The following RIBC2 variants were observed in gnomAD, a reference collection of about 807,000 sequenced individuals.
The protein encoded by RIBC2 is RIB43A domain with coiled-coils 2, also known as RIB43A-like with coiled-coils protein 2.
In RIBC2, 40 loss-of-function variants were observed where a neutral mutation model predicts 44.3. The observed-to-expected ratio is 0.90, with a 90% CI of 0.70 to 1.18. The LOEUF is 1.18. Among genes scored for constraint, RIBC2 ranks in the 50% most tolerant of loss-of-function variants. The pLI is 0.00. For missense variants in RIBC2, 459 were observed against 485.5 expected (o/e 0.95, Z 0.51); for synonymous variants, 171 against 175.0 (o/e 0.98, Z 0.18).
At chr22:45,424,847 C>T (rs1397338659) in intron 4 of RIBC2, among the ~76,000 whole-genome samples, 2 of 151,008 alleles carry the variant, frequency 1.3e-5, no homozygotes, top group African/African-American at 4.9e-5. Flanking sequence ...GCTCTGCCTC[C>T]CGGGTTCACA....
Position 45,430,967 on chromosome 22 carries a change from C to T in RIBC2, c.971C>T (p.Ala324Val). The change falls in exon 6 of 7, where the codon GCC becomes GTC. Residue 324 changes from alanine (A) to valine (V), a missense_variant. By Grantham distance (64) the Ala-to-Val change is moderately conservative. Transcript: ENST00000614167. ...WDRRRIQGARATLLFERQQWR... is the reference protein window; with the variant it reads ...WDRRRIQGARVTLLFERQQWR... ...CGGCGGAGGATTCAGGGGGCTCGCGCCACCCTGCTGTTTGAGCGGCAGCAG... is the reference window on the plus strand; with the variant it reads ...CGGCGGAGGATTCAGGGGGCTCGCGTCACCCTGCTGTTTGAGCGGCAGCAG... 1 of 1,608,472 alleles carries T rather than the reference C, an allele frequency of 6.2e-7. No individual in the cohort carries two copies. Among genetic ancestry groups the T allele is most frequent in the Non-Finnish European group, 8.5e-7 (1 of 1,177,690 alleles).
rs1202292079 is a variant in RIBC2, at chr22:45,426,079, G to A, written c.807G>A (p.Gly269=). 1 of 1,613,916 alleles carries A rather than the reference G, an allele frequency of 6.2e-7. No individual in the cohort carries two copies. The highest frequency in any genetic ancestry group is 1.1e-5 in the South Asian group (1 of 91,040). ...ENPQQAASSF[G]PHRVVPDRWK... ...CGCAGCAGGCAGCCAGCTCCTTCGG[G>A]CCCCACCGCGTGGTCCCTGACCGCT... Residue 269 remains glycine, a synonymous_variant, in exon 5 of 7, where the codon GGG becomes GGA. Coordinates refer to ENST00000614167, the MANE Select transcript of RIBC2 (RefSeq NM_015653.5).
chr22:45,424,678 G>T (rs998011751), intron 4 of RIBC2, among the ~76,000 whole-genome samples: 1 of 152,176 alleles, frequency 6.6e-6, no homozygotes, highest in Non-Finnish European at 1.5e-5. Flanking sequence ...TGCAGGAGGA[G>T]GGAAGGAATG....
At chr22:45,426,242 C>A in intron 5 of RIBC2, 67 bp downstream of exon 5, 3 of 1,394,014 alleles carry the variant, frequency 2.2e-6, no homozygotes, top group Non-Finnish European at 3.0e-6. Flanking sequence ...GCCTTCCAGG[C>A]ACAAATGTAG....
intron 6 of RIBC2, among the ~76,000 whole-genome samples, 174 bp from the exon 7 acceptor site, chr22:45,432,106 CCGCT>C (rs2087585348): frequency 6.6e-6 from 1 of 152,076 alleles, no homozygotes; most frequent in East Asian, 1.9e-4. Context: ...GTGACCCTCG[CCGCT>C]GAGGAGCGGT....
chr22:45,422,704 A>T (rs1343788381), intron 4 of RIBC2, among the ~76,000 whole-genome samples: 3 of 152,198 alleles, frequency 2.0e-5, no homozygotes, highest in Non-Finnish European at 4.4e-5. Context: ...GGATGGTGAC[A>T]TCCACCTAGA....
intron 3 of RIBC2, among the ~76,000 whole-genome samples, chr22:45,419,386 C>A (rs536986349): frequency 4.9e-4 from 75 of 152,164 alleles, no homozygotes; most frequent in Non-Finnish European, 9.7e-4. Context: ...CCTTTCTCTC[C>A]ATTTTTCAGC....
chr22:45,414,298 TCTC>T (rs1011161417), intron 1 of RIBC2, 21 bp from the exon 2 acceptor site: 36 of 1,542,444 alleles, frequency 2.3e-5, no homozygotes, highest in East Asian at 9.8e-5. Context: ...CTCTAACCCT[TCTC>T]CTCTGTTTTT....
chr22:45,422,204 TG>T, intron 3 of RIBC2, 85 bp from the exon 4 acceptor site: 1 of 863,950 alleles, frequency 1.2e-6, no homozygotes, highest in Non-Finnish European at 2.0e-6. Flanking sequence ...GCTAAGGACG[TG>T]GTAGGAGGCA....
In RIBC2 at chr22:45,417,836, A is replaced by G. The variant is rs754439400; in HGVS notation, c.446A>G (p.Glu149Gly). ...TISGMQKFMG[E>G]DLNFHERKKF... ...TCAGGAATGCAGAAATTCATGGGAGAGGATTTAAACTTCCATGAGAGGAAG... is the reference window on the plus strand; with the variant it reads ...TCAGGAATGCAGAAATTCATGGGAGGGGATTTAAACTTCCATGAGAGGAAG... Residue 149 changes from glutamate to glycine, a missense_variant, in exon 3 of 7, where the codon GAG becomes GGG. Physicochemically the swap from Glu to Gly is moderately conservative, Grantham distance 98. Transcript: ENST00000614167. 3.1e-6 allele frequency: 5 copies of G among 1,614,000 alleles called. No individual in the cohort carries two copies. The highest frequency in any genetic ancestry group is 4.2e-6 in the Non-Finnish European group (5 of 1,179,970).
intron 3 of RIBC2, among the ~76,000 whole-genome samples, chr22:45,421,574 G>A (rs62226841): frequency 7.3e-5 from 5 of 68,584 alleles, no homozygotes; most frequent in African/African-American, 2.7e-4. Context: ...ATTAATAATA[G>A]TATTATTAAT....
intron 3 of RIBC2, among the ~76,000 whole-genome samples, chr22:45,421,258 C>T (rs575955190): frequency 6.8e-4 from 103 of 151,248 alleles, no homozygotes; most frequent in Non-Finnish European, 1.3e-3. Context: ...TGCACCACTG[C>T]ACTCCAGCCT....
chr22:45,425,229 CCTGT>C (rs1210740096), intron 4 of RIBC2, among the ~76,000 whole-genome samples: 1 of 152,152 alleles, frequency 6.6e-6, no homozygotes. Flanking sequence ...TGAAGTTGGG[CCTGT>C]CTAACTACAA....
In RIBC2 at chr22:45,413,983, C is replaced by T. The variant is rs1244042923; in HGVS notation, c.97C>T (p.Arg33Trp). 1.2e-5 allele frequency: 18 copies of T among 1,551,472 alleles called. No individual in the cohort carries two copies. The highest frequency in any genetic ancestry group is 2.0e-5 in the Admixed American group (1 of 50,970). ...RRHAELCRQK[R>W]VFNARNRIIG... is the part of the protein sequence containing the mutation. The stretch of plus-strand genomic sequence containing the variant: ...GCACGCGGAGCTGTGCAGGCAGAAG[C>T]GGGTCTTCAACGCCAGAAACAGGAT... The change falls in exon 1 of 7, where the codon CGG becomes TGG. Residue 33 changes from arginine to tryptophan, a missense_variant. Transcript: ENST00000614167.
chr22:45,420,099 CAG>C (rs2087463895), intron 3 of RIBC2, among the ~76,000 whole-genome samples: 1 of 152,170 alleles, frequency 6.6e-6, no homozygotes, highest in Non-Finnish European at 1.5e-5. Flanking sequence ...ACATTTCACT[CAG>C]AGTAAACGAT....
intron 5 of RIBC2, among the ~76,000 whole-genome samples, chr22:45,429,189 C>T (rs935026218): frequency 1.3e-5 from 2 of 152,144 alleles, no homozygotes; most frequent in African/African-American, 4.8e-5. Context: ...CAGCATCGGC[C>T]GGGTGGGGCC....
rs561814602 is a variant in RIBC2 at position 45,422,401 on chromosome 22, A to G, written c.668A>G (p.Lys223Arg). ...AVCASVKDFN[K>R]SQAIESVERK... ...TGTGCATCTGTGAAAGACTTCAACA[A>G]GAGCCAGGTATAGGTACTCCGCGAC... Residue 223 changes from lysine (K) to arginine (R), a missense_variant, in exon 4 of 7, where the codon AAG (lysine) becomes AGG (arginine). By Grantham distance (26) the Lys-to-Arg change is conservative. Coordinates refer to ENST00000614167, the MANE Select transcript of RIBC2 (RefSeq NM_015653.5). 174 of 1,612,738 alleles carry G rather than the reference A, an allele frequency of 1.1e-4. 3 individuals carry two copies. The South Asian group carries it at 1.8e-3, about 17-fold the overall frequency.
chr22:45,421,045 G>C (rs2087472114), intron 3 of RIBC2, among the ~76,000 whole-genome samples: 1 of 151,992 alleles, frequency 6.6e-6, no homozygotes, highest in Non-Finnish European at 1.5e-5. Context: ...ATTCAACACT[G>C]TTCTTACTTT....
chr22:45,423,892 C>T (rs1429252849), intron 4 of RIBC2, among the ~76,000 whole-genome samples: 1 of 152,154 alleles, frequency 6.6e-6, no homozygotes, highest in African/African-American at 2.4e-5. Context: ...GACAATTAGT[C>T]CACTGTTGGC....
Sources: allele counts gnomAD v4.1 joint callset (sites outside exome capture counted in the v4.1 genomes callset), GRCh38; gene constraint gnomAD v4.1.1; transcripts MANE v1.5; gene names NCBI Gene and HGNC (gene_info 2026-07-23, HGNC 2026-07-21).